IARS1: variants seen among roughly 807,000 people sequenced by gnomAD.
The protein encoded by IARS1 is isoleucine--tRNA ligase, cytoplasmic.
IARS1 carries 124 observed loss-of-function variants against 168.2 expected under a neutral mutation model. The observed-to-expected ratio is 0.74, with a 90% CI of 0.64 to 0.86. The LOEUF (loss-of-function observed/expected upper bound fraction) is 0.86, where lower values mean the gene tolerates loss of function less well. Ranked by LOEUF, IARS1 falls within the 40% of genes least tolerant of loss-of-function variation. The probability of loss-of-function intolerance (pLI) is 0.00; values close to 1 mark genes in which losing one functional copy is unlikely to be tolerated. For synonymous variants in IARS1, 532 were observed against 529.4 expected (o/e 1.00, Z -0.07); for missense variants, 1,452 against 1,515.8 (o/e 0.96, Z 0.70).
At chr9:92,238,446 A>C (rs530240148) in intron 30 of IARS1, among the ~76,000 whole-genome samples, 4 of 152,126 alleles carry the variant, frequency 2.6e-5, no homozygotes, top group Non-Finnish European at 5.9e-5. Context: ...CCTGGCTTCT[A>C]TCTTGCTCCC....
chr9:92,235,390 A>C (rs925825630), intron 30 of IARS1, among the ~76,000 whole-genome samples: 11 of 151,944 alleles, frequency 7.2e-5, no homozygotes, highest in Non-Finnish European at 1.2e-4. Flanking sequence ...CAAAGGTCTC[A>C]TCTCTTCCTA....
chr9:92,289,117 G>C (rs1198901493), intron 2 of IARS1, among the ~76,000 whole-genome samples, 184 bp downstream of exon 2: 2 of 144,660 alleles, frequency 1.4e-5, no homozygotes, highest in African/African-American at 2.6e-5. Context: ...TGAGGCAGGA[G>C]AATCACTTGC....
rs763763664 is a variant in IARS1, at chr9:92,229,121, C to A, written c.3289G>T (p.Val1097Leu). 5 of 1,612,214 alleles carry A rather than the reference C, an allele frequency of 3.1e-6. No homozygotes were observed. The African/African-American group carries it at 5.3e-5, about 17-fold the overall frequency. Residue 1097 changes from valine to leucine, a missense_variant, in exon 31 of 34, where the codon GTA (valine) becomes TTA (leucine). Physicochemically the swap from Val to Leu is conservative, Grantham distance 32. Transcript: ENST00000443024. Reference protein sequence around the residue: ...ICANGSEQGGVLLLENPKGDN... With the variant: ...ICANGSEQGGLLLLENPKGDN... ...CCTTTTGGATTTTCCAGGAGCAATA[C>A]TCCACCTAAAAAGCCACAAAAATAA...
At chr9:92,221,394 T>C (rs1165257192) in intron 33 of IARS1, among the ~76,000 whole-genome samples, 1 of 152,148 alleles carries the variant, frequency 6.6e-6, no homozygotes, top group Non-Finnish European at 1.5e-5. Context: ...CTATCAGGTG[T>C]TACAAATAAA....
At chr9:92,240,295 G>T in intron 30 of IARS1, 1 of 197,148 alleles carries the variant, frequency 5.1e-6, no homozygotes, top group Non-Finnish European at 1.0e-5. Flanking sequence ...AGACAGTCTT[G>T]CTTTGTCACC....
intron 7 of IARS1, among the ~76,000 whole-genome samples, chr9:92,280,365 T>C (rs1290983345): frequency 1.3e-5 from 2 of 152,324 alleles, no homozygotes; most frequent in East Asian, 3.9e-4. Context: ...TCGTTGAGAC[T>C]GGTAACTCTC....
At chr9:92,240,266 T>C (rs554704291) in intron 30 of IARS1, 77 of 178,126 alleles carry the variant, frequency 4.3e-4, no homozygotes, top group Non-Finnish European at 6.7e-4. Context: ...TCATTTTTCT[T>C]TTCTTTTTTT....
intron 30 of IARS1, among the ~76,000 whole-genome samples, chr9:92,239,362 G>A (rs1828018779): frequency 6.6e-6 from 1 of 152,178 alleles, no homozygotes; most frequent in African/African-American, 2.4e-5. Context: ...CTTGAAAAAT[G>A]CTGCCTTTTC....
chr9:92,280,693 A>C, intron 7 of IARS1, 53 bp downstream of exon 7: 3 of 1,243,948 alleles, frequency 2.4e-6, no homozygotes, highest in Non-Finnish European at 3.3e-6. Flanking sequence ...TATTTTCCAA[A>C]ATATAAAATT....
At chr9:92,228,915 T>C (rs1035566781) in intron 31 of IARS1, 86 bp downstream of exon 31, 2 of 1,517,484 alleles carry the variant, frequency 1.3e-6, no homozygotes. Context: ...AATGCAAAAG[T>C]TGTATAGTAC....
chr9:92,222,537 T>A lies in IARS1; in HGVS notation c.3689A>T (p.Asn1230Ile), dbSNP rs779509622. The change falls in exon 33 of 34, where the codon AAT becomes ATT. Residue 1230 changes from asparagine (N) to isoleucine (I), a missense_variant. Physicochemically the swap from Asn to Ile is moderately radical, Grantham distance 149. Coordinates refer to ENST00000443024, the MANE Select transcript of IARS1 (RefSeq NM_002161.6). Reference sequence around the variant, plus strand: ...CTCCTTACCCTGCGTTTGGGTCTCATTCAGAAACAGCTTTAGCTTCCTGCT... The same window carrying A: ...CTCCTTACCCTGCGTTTGGGTCTCAATCAGAAACAGCTTTAGCTTCCTGCT... ...LRSRKLKLFL[N>I]ETQTQEITED... is the part of the protein sequence containing the mutation. 6.2e-7 allele frequency: 1 copy of A among 1,614,022 alleles called. No individual in the cohort carries two copies. The highest frequency in any genetic ancestry group is 1.7e-5 in the Admixed American group (1 of 59,992).
At chr9:92,253,084 C>G (rs1165945979) in intron 21 of IARS1, among the ~76,000 whole-genome samples, 2 of 152,162 alleles carry the variant, frequency 1.3e-5, no homozygotes, top group African/African-American at 4.8e-5. Flanking sequence ...AAGAGGTCTG[C>G]TCAGTGTAGT....
Position 92,277,866 on chromosome 9 carries a change from C to T in IARS1, c.891G>A (p.Leu297=). Residue 297 remains leucine, a synonymous_variant, in exon 9 of 34, where the codon CTG becomes CTA. Coordinates refer to ENST00000443024, the MANE Select transcript of IARS1 (RefSeq NM_002161.6). ...KKYRPLFDYF[L]KCKENGAFTV... is the part of the protein sequence containing the mutation. ...CAGTAGCGGTCCCTAAGCTTACCTT[C>T]AGGAAATAGTCAAACAGGGGCCTGT... The T allele has an allele frequency of 1.2e-6, 2 of 1,613,490 alleles. No homozygotes were observed. The highest frequency in any genetic ancestry group is 1.7e-6 in the Non-Finnish European group (2 of 1,179,658).
intron 30 of IARS1, among the ~76,000 whole-genome samples, chr9:92,236,626 C>T (rs1297461384): frequency 6.6e-6 from 1 of 152,164 alleles, no homozygotes; most frequent in Non-Finnish European, 1.5e-5. Context: ...GAAGGCCAGA[C>T]CACTTGAGGC....
At chr9:92,281,645 A>G (rs1053513837) in intron 6 of IARS1, among the ~76,000 whole-genome samples, 6 of 152,198 alleles carry the variant, frequency 3.9e-5, no homozygotes, top group African/African-American at 1.4e-4. Context: ...AGCTCATTAA[A>G]TAAGAACAAG....
chr9:92,215,773 G>C (rs1341742978), intron 33 of IARS1, among the ~76,000 whole-genome samples: 1 of 151,796 alleles, frequency 6.6e-6, no homozygotes, highest in Non-Finnish European at 1.5e-5. Flanking sequence ...GGGACTATGT[G>C]AAAAGACCAA....
chr9:92,223,767 C>T (rs538213505), intron 31 of IARS1, among the ~76,000 whole-genome samples: 7 of 152,290 alleles, frequency 4.6e-5, no homozygotes, highest in African/African-American at 1.7e-4. Context: ...TATAATACAG[C>T]TCCTCTTAAA....
intron 20 of IARS1, among the ~76,000 whole-genome samples, chr9:92,255,457 G>T (rs1830588623): frequency 6.6e-6 from 1 of 152,168 alleles, no homozygotes; most frequent in South Asian, 2.1e-4. Context: ...TGGACCTACA[G>T]TTGTGATTAT....
intron 30 of IARS1, among the ~76,000 whole-genome samples, chr9:92,231,386 G>C (rs755257156): frequency 1.3e-4 from 19 of 151,166 alleles, no homozygotes; most frequent in Non-Finnish European, 2.4e-4. Context: ...GTGCATGTAG[G>C]TATGTTACGT....
Sources: gnomAD v4.1 joint callset for allele counts (sites outside exome capture counted in the v4.1 genomes callset) on GRCh38, gnomAD v4.1.1 for gene constraint, MANE v1.5 for transcripts, NCBI Gene and HGNC (gene_info 2026-07-23, HGNC 2026-07-21) for gene names.